The following ACOT7 variants were observed in gnomAD, a reference collection of about 807,000 sequenced individuals.
ACOT7 encodes the protein acyl-CoA thioesterase 7, also known as cytosolic acyl coenzyme A thioester hydrolase.
Under a neutral mutation model 40.2 loss-of-function variants are expected in ACOT7, and 12 were observed. The ratio of observed to expected loss-of-function variants is 0.30; its 90% confidence interval spans 0.19 to 0.48. ACOT7 has a LOEUF of 0.48. Ranked by LOEUF, ACOT7 falls within the 20% of genes least tolerant of loss-of-function variation. The probability of loss-of-function intolerance (pLI) is 0.99; values close to 1 mark genes in which losing one functional copy is unlikely to be tolerated. For missense variants in ACOT7, 395 were observed against 530.8 expected (o/e 0.74, Z 2.51); for synonymous variants, 228 against 219.5 (o/e 1.04, Z -0.34).
intron 2 of ACOT7, among the ~76,000 whole-genome samples, chr1:6,346,963 CCTGGGG>C (rs1641442893): frequency 6.6e-6 from 1 of 152,152 alleles, no homozygotes; most frequent in African/African-American, 2.4e-5. Context: ...GAGAAGCAAG[CCTGGGG>C]CAAGGACAGG....
intron 1 of ACOT7, among the ~76,000 whole-genome samples, chr1:6,371,224 G>T (rs899899526): frequency 6.6e-6 from 1 of 152,196 alleles, no homozygotes. Flanking sequence ...AGGATTTGTT[G>T]TTCCATTTAT....
At chr1:6,391,066 C>T (rs1300012740) in intron 1 of ACOT7, among the ~76,000 whole-genome samples, 3 of 152,060 alleles carry the variant, frequency 2.0e-5, no homozygotes, top group African/African-American at 7.2e-5. Flanking sequence ...GAGGCTGAGG[C>T]GGGAGGATCA....
chr1:6,333,452 G>T (rs532477794), intron 4 of ACOT7, 25 bp downstream of exon 4: 1 of 1,613,074 alleles, frequency 6.2e-7, no homozygotes, highest in Non-Finnish European at 8.5e-7. Flanking sequence ...CTGCCCCCAA[G>T]AGAGAAGTAG....
At position 6,352,707 on chromosome 1, in the gene ACOT7, C is replaced by T. The variant is rs949270018; in HGVS notation, c.144-2841G>A. On this transcript the variant is annotated intron_variant, in intron 1 of 8. Transcript: ENST00000361521. The surrounding 1 kb of genome is among the most constrained non-coding windows in gnomAD (Gnocchi z 4.5). Reference sequence around the variant, plus strand: ...CCTGGGTTCTCCTGCCTCAGCCTCCCGAGTAGCTGGCACTACAGGCGCCCG... The same window carrying T: ...CCTGGGTTCTCCTGCCTCAGCCTCCTGAGTAGCTGGCACTACAGGCGCCCG... Among the ~76,000 whole-genome samples the T allele has an allele frequency of 6.6e-5, 10 of 151,268 alleles. No homozygotes were observed. The highest frequency in any genetic ancestry group is 2.0e-4 in the Admixed American group (3 of 15,196).
rs756953997 is a variant in ACOT7, at chr1:6,274,418, C to T, written c.1014+6684G>A. Reference sequence around the variant, plus strand: ...CTGACTTAAGCCCTGGGGCCCATCCCGCCCCTCCAGCTGAACAGCAGGTCA... The same window carrying T: ...CTGACTTAAGCCCTGGGGCCCATCCTGCCCCTCCAGCTGAACAGCAGGTCA... On this transcript the variant is annotated intron_variant, in intron 8 of 8. Coordinates refer to ENST00000361521, the MANE Select transcript of ACOT7 (RefSeq NM_007274.4). The surrounding 1 kb of genome is among the most constrained non-coding windows in gnomAD (Gnocchi z 5.9). Among the ~76,000 whole-genome samples the T allele has an allele frequency of 6.6e-5, 10 of 152,350 alleles. No homozygotes were observed. In the East Asian group the frequency reaches 9.6e-4, roughly 15 times the overall value.
In ACOT7 at chr1:6,288,191, C is replaced by T. The variant is rs1216358641; in HGVS notation, c.829+6673G>A. On this transcript the variant is annotated intron_variant, in intron 7 of 8. Coordinates refer to ENST00000361521, the MANE Select transcript of ACOT7 (RefSeq NM_007274.4). The surrounding 1 kb of genome is among the most constrained non-coding windows in gnomAD (Gnocchi z 4.3). ...GCTACCGGGCTCCACGTGCCTTCCC[C>T]TGTGCTGGTCCCCTGGGTGCGGGCT... 6.6e-6 allele frequency among the ~76,000 whole-genome samples: 1 copy of T among 152,254 alleles called. No individual in the cohort carries two copies. The highest frequency in any genetic ancestry group is 1.5e-5 in the Non-Finnish European group (1 of 68,034).
intron 1 of ACOT7, among the ~76,000 whole-genome samples, chr1:6,379,424 T>C (rs1571354340): frequency 1.3e-5 from 2 of 151,880 alleles, no homozygotes; most frequent in South Asian, 2.1e-4. Flanking sequence ...TAACTCAAGA[T>C]AGGTCAAACA....
rs1640918968 is a variant in ACOT7 at position 6,330,242 on chromosome 1, A to G, written c.511-2829T>C. Among the ~76,000 whole-genome samples the G allele has an allele frequency of 6.6e-6, 1 of 152,200 alleles. No homozygotes were observed. The highest frequency in any genetic ancestry group is 1.5e-5 in the Non-Finnish European group (1 of 68,032). On this transcript the variant is annotated intron_variant, in intron 4 of 8. Transcript: ENST00000361521. This position sits in a 1 kb window ranked among gnomAD's most constrained non-coding sequence, Gnocchi z 4.6. ...CAGCGGGAGCATGCTCATGCAATAT[A>G]AGACAGCCCTGTGGCCAGGCCACCA...
chr1:6,308,794 G>C (rs1337066514), intron 6 of ACOT7, among the ~76,000 whole-genome samples: 1 of 150,780 alleles, frequency 6.6e-6, no homozygotes, highest in African/African-American at 2.4e-5. Flanking sequence ...TGGATGGAAG[G>C]AAAAGCGACT....
intron 5 of ACOT7, among the ~76,000 whole-genome samples, chr1:6,325,976 C>T (rs1640787854): frequency 6.6e-6 from 1 of 152,192 alleles, no homozygotes; most frequent in Admixed American, 6.5e-5. Flanking sequence ...AGGTCCTCCA[C>T]CACTGCTGAG....
rs1168632466 is a variant in ACOT7 at position 6,281,177 on chromosome 1, G to A, written c.939C>T (p.Tyr313=). The change falls in exon 8 of 9, where the codon TAC becomes TAT. Residue 313 remains tyrosine, a synonymous_variant. Transcript: ENST00000361521. The stretch of plus-strand genomic sequence containing the variant: ...AGGTGAAGAAGGCACTGGCGGCCCG[G>A]TAGCGCTTCTGAGAGCTGTCCACAA... ...DPVVDSSQKR[Y]RAASAFFTYV... is the part of the protein sequence containing the mutation. The A allele has an allele frequency of 6.2e-7, 1 of 1,614,162 alleles. No individual in the cohort carries two copies. Among genetic ancestry groups the A allele is most frequent in the Non-Finnish European group, 8.5e-7 (1 of 1,180,050 alleles).
At chr1:6,283,890 G>C (rs1022840671) in intron 7 of ACOT7, among the ~76,000 whole-genome samples, 1 of 152,226 alleles carries the variant, frequency 6.6e-6, no homozygotes, top group Non-Finnish European at 1.5e-5. Flanking sequence ...AGCTACTCGG[G>C]AGGCTCAGGC....
chr1:6,329,635 A>G (rs74702856), intron 4 of ACOT7, among the ~76,000 whole-genome samples: 35 of 151,956 alleles, frequency 2.3e-4, no homozygotes, highest in East Asian at 9.7e-4. Flanking sequence ...CTCCTCCCCA[A>G]TGCTGCCTTT....
intron 2 of ACOT7, among the ~76,000 whole-genome samples, chr1:6,343,050 C>T (rs1446409315): frequency 2.0e-5 from 3 of 152,206 alleles, no homozygotes; most frequent in Non-Finnish European, 4.4e-5. Flanking sequence ...CACTGAGGAG[C>T]CCTCAGGCTT....
At chr1:6,281,014 A>G in intron 8 of ACOT7, 88 bp downstream of exon 8, 1 of 1,504,460 alleles carries the variant, frequency 6.6e-7, no homozygotes, top group South Asian at 1.2e-5. Flanking sequence ...GGACTCATGC[A>G]GGCACAGATT....
At chr1:6,350,052 C>T (rs547281513) in intron 1 of ACOT7, among the ~76,000 whole-genome samples, 186 bp from the exon 2 acceptor site, 56 of 152,272 alleles carry the variant, frequency 3.7e-4, no homozygotes, top group Non-Finnish European at 6.3e-4. Flanking sequence ...TGCTAGGCCA[C>T]GGAAGGGGCC....
At chr1:6,342,290 C>G (rs1641297906) in intron 2 of ACOT7, among the ~76,000 whole-genome samples, 1 of 152,002 alleles carries the variant, frequency 6.6e-6, no homozygotes, top group Non-Finnish European at 1.5e-5. Flanking sequence ...TCATGAAGCC[C>G]CACCCCCATA....
chr1:6,381,757 G>A (rs1283634739), intron 1 of ACOT7, among the ~76,000 whole-genome samples: 1 of 151,902 alleles, frequency 6.6e-6, no homozygotes, highest in African/African-American at 2.4e-5. Flanking sequence ...TAAAATGTGG[G>A]ATTAACCCAA....
intron 8 of ACOT7, among the ~76,000 whole-genome samples, chr1:6,271,746 GA>G (rs1344816283): frequency 6.6e-6 from 1 of 152,252 alleles, no homozygotes; most frequent in Non-Finnish European, 1.5e-5. Flanking sequence ...CAAATAATGA[GA>G]TCATTGTGGA....
Sources: allele counts gnomAD v4.1 joint callset (sites outside exome capture counted in the v4.1 genomes callset), GRCh38; gene constraint gnomAD v4.1.1; non-coding constraint Gnocchi (gnomAD v3.1); transcripts MANE v1.5; gene names NCBI Gene and HGNC (gene_info 2026-07-23, HGNC 2026-07-21).